The following GSTM2 variants were observed in gnomAD, a reference collection of about 807,000 sequenced individuals.
GSTM2 encodes GST class-mu 2.
GSTM2 carries 33 observed loss-of-function variants against 33.3 expected under a neutral mutation model. That is an observed-to-expected ratio of 0.99 (90% CI 0.75 to 1.33). The LOEUF is 1.33. Ranked by LOEUF, GSTM2 falls within the 40% of genes most tolerant of loss-of-function variation. GSTM2 has a pLI of 0.00. For missense variants in GSTM2, 213 were observed against 265.8 expected, an observed-to-expected ratio of 0.80 and a Z score of 1.38; for synonymous variants, 93 against 95.6, an observed-to-expected ratio of 0.97 and a Z score of 0.16.
chr1:109,669,739 G>A lies in GSTM2; in HGVS notation c.360+168G>A, dbSNP rs966004124. The A allele has an allele frequency of 5.0e-6, 3 of 597,378 alleles. No homozygotes were observed. The African/African-American group carries it at 5.6e-5, about 11-fold the overall frequency. The allele number at this position is 597,378 out of a possible 1,614,324, so 37.0% of individuals were successfully genotyped here. The stretch of plus-strand genomic sequence containing the variant: ...GTGAGTGTTACAGTTCTTAAAGATG[G>A]TGTGTCCGGAGTTTGTTCCTTCAGA... On this transcript the variant is annotated intron_variant, in intron 5 of 7. Transcript: ENST00000241337.
downstream of GSTM2, among the ~76,000 whole-genome samples, chr1:109,675,882 C>T (rs550286024): frequency 5.9e-5 from 9 of 152,000 alleles, no homozygotes; most frequent in African/African-American, 2.2e-4. Flanking sequence ...TCTGTTCTCA[C>T]GCTGCTAATA....
intron 1 of GSTM2, 32 bp downstream of exon 1, chr1:109,668,183 G>A (rs1311059333): frequency 6.5e-6 from 10 of 1,536,012 alleles, no homozygotes; most frequent in Non-Finnish European, 8.1e-6. Flanking sequence ...GGTGGGACGG[G>A]GGTGCGTGGG....
chr1:109,677,521 C>A (rs566155160), downstream of GSTM2, among the ~76,000 whole-genome samples: 3 of 152,284 alleles, frequency 2.0e-5, no homozygotes, highest in Middle Eastern at 6.8e-3. Flanking sequence ...ATGGGCCTCA[C>A]AGACGTATTG....
At chr1:109,678,261 C>T (rs1348070265), downstream of GSTM2, among the ~76,000 whole-genome samples, 1 of 152,164 alleles carries the variant, frequency 6.6e-6, no homozygotes, top group Non-Finnish European at 1.5e-5. Context: ...TCTCTTGCCT[C>T]AGCCTCCTGA....
In GSTM2 at chr1:109,670,595, T is replaced by A. The variant is rs540019176; in HGVS notation, c.361-692T>A. On this transcript the variant is annotated intron_variant, in intron 5 of 7. Transcript: ENST00000241337. ...TAGACAGTAATGGTTACTTCCAGAA[T>A]CCCTTCCATCTCTGACCCATGACCT... 2.0e-5 allele frequency: 3 copies of A among 152,362 alleles called. No individual in the cohort carries two copies. The Middle Eastern group carries it at 0.01, about 518-fold the overall frequency. The allele number at this position is 152,362 out of a possible 1,614,324, so 9.4% of individuals were successfully genotyped here.
At chr1:109,677,833 G>A (rs769834057), downstream of GSTM2, among the ~76,000 whole-genome samples, 9 of 152,196 alleles carry the variant, frequency 5.9e-5, no homozygotes, top group Non-Finnish European at 8.8e-5. Context: ...CACTGCATGT[G>A]TATTACACTT....
intron 5 of GSTM2, chr1:109,669,919 G>A: frequency 4.3e-6 from 1 of 235,056 alleles, no homozygotes; most frequent in Non-Finnish European, 8.3e-6. Flanking sequence ...TGGTCTGGCT[G>A]GCTTCAGGAG....
intron 7 of GSTM2, chr1:109,673,169 C>G: frequency 6.2e-7 from 1 of 1,609,064 alleles, no homozygotes; most frequent in Non-Finnish European, 8.5e-7. Context: ...CGCGCCTGGC[C>G]TCTTCCTCTC....
downstream of GSTM2, among the ~76,000 whole-genome samples, chr1:109,675,755 G>A (rs1023866520): frequency 2.0e-5 from 3 of 152,028 alleles, no homozygotes; most frequent in Non-Finnish European, 4.4e-5. Flanking sequence ...TCATCAGGAC[G>A]TTCTCTCTGG....
Position 109,674,814 on chromosome 1 carries a change from T to C in GSTM2, c.635T>C (p.Met212Thr), listed in dbSNP as rs1406035849. The C allele has an allele frequency of 6.2e-7, 1 of 1,614,096 alleles. No individual in the cohort carries two copies. Among genetic ancestry groups the C allele is most frequent in the African/African-American group, 1.3e-5 (1 of 74,930 alleles). Residue 212 changes from methionine (M) to threonine (T), a missense_variant, in exon 8 of 8, where the codon ATG becomes ACG. Met to Thr is a moderately conservative substitution (Grantham distance 81, BLOSUM62 -1). Transcript: ENST00000241337. The part of the protein sequence containing the change: ...RFLPRPVFTK[M>T]AVWGNK The stretch of plus-strand genomic sequence containing the variant: ...CTCCCAAGACCTGTGTTCACAAAGA[T>C]GGCTGTCTGGGGCAACAAGTAGGGC...
intron 7 of GSTM2, among the ~76,000 whole-genome samples, chr1:109,672,941 C>T (rs1169773626): frequency 6.7e-6 from 1 of 149,892 alleles, no homozygotes; most frequent in African/African-American, 2.5e-5. Flanking sequence ...GCAATCTCGG[C>T]TCACTGCAAC....
chr1:109,672,940 G>C (rs1026253689), intron 7 of GSTM2, among the ~76,000 whole-genome samples: 7 of 150,782 alleles, frequency 4.6e-5, no homozygotes, highest in East Asian at 2.0e-4. Context: ...AGCAATCTCG[G>C]CTCACTGCAA....
chr1:109,668,918 A>T lies in GSTM2; in HGVS notation c.113-7A>T, dbSNP rs1311237340. 6.2e-7 allele frequency: 1 copy of T among 1,612,068 alleles called. No homozygotes were observed. ...GGTTTGTTTTCACTTCATCTTCCCCACCACAGCTCCTGATTATGACAGAAG... is the reference window on the plus strand; with the variant it reads ...GGTTTGTTTTCACTTCATCTTCCCCTCCACAGCTCCTGATTATGACAGAAG... On this transcript the variant is annotated splice_region_variant and splice_polypyrimidine_tract_variant and intron_variant, in intron 2 of 7. Coordinates refer to ENST00000241337, the MANE Select transcript of GSTM2 (RefSeq NM_000848.4).
intron 2 of GSTM2, 70 bp from the exon 3 acceptor site, chr1:109,668,855 T>C (rs1647425853): frequency 6.3e-7 from 1 of 1,581,444 alleles, no homozygotes; most frequent in African/African-American, 1.3e-5. Flanking sequence ...ACTGGCTCCT[T>C]GGGAGGGTCC....
intron 5 of GSTM2, 167 bp downstream of exon 5, chr1:109,669,738 G>A (rs1647463768): frequency 5.0e-6 from 3 of 595,686 alleles, no homozygotes; most frequent in South Asian, 4.2e-5. Flanking sequence ...TCTTAAAGAT[G>A]GTGTGTCCGG....
Position 109,668,114 on chromosome 1 carries a change from C to G in GSTM2, c.-2C>G. The G allele has an allele frequency of 1.9e-6, 3 of 1,614,028 alleles. No homozygotes were observed. The highest frequency in any genetic ancestry group is 2.5e-6 in the Non-Finnish European group (3 of 1,179,884). On this transcript the variant is annotated 5_prime_UTR_variant, in exon 1 of 8. Coordinates refer to ENST00000241337, the MANE Select transcript of GSTM2 (RefSeq NM_000848.4). ...TCTGCAGAATCCACAGCAACCAGCACCATGCCCATGACACTGGGGTACTGG... is the reference window on the plus strand; with the variant it reads ...TCTGCAGAATCCACAGCAACCAGCAGCATGCCCATGACACTGGGGTACTGG...
rs758210917 is a variant in GSTM2, at chr1:109,674,813, A to G, written c.634A>G (p.Met212Val). The G allele has an allele frequency of 3.7e-6, 6 of 1,614,188 alleles. No individual in the cohort carries two copies. Among genetic ancestry groups the G allele is most frequent in the Non-Finnish European group, 5.1e-6 (6 of 1,180,036 alleles). The change falls in exon 8 of 8, where the codon ATG becomes GTG. Residue 212 changes from methionine to valine, a missense_variant. Coordinates refer to ENST00000241337, the MANE Select transcript of GSTM2 (RefSeq NM_000848.4). ...CCTCCCAAGACCTGTGTTCACAAAG[A>G]TGGCTGTCTGGGGCAACAAGTAGGG... is the stretch of plus-strand genomic sequence containing the variant. ...RFLPRPVFTK[M>V]AVWGNK
intron 5 of GSTM2, chr1:109,670,761 C>G (rs1159223038): frequency 6.5e-6 from 1 of 154,532 alleles, no homozygotes; most frequent in Non-Finnish European, 1.4e-5. Context: ...TTGACATACA[C>G]TGAGATCAGC....
At position 109,668,748 on chromosome 1, in the gene GSTM2, G is replaced by C; in HGVS notation, c.113-177G>C. On this transcript the variant is annotated intron_variant, in intron 2 of 7. Transcript: ENST00000241337. ...TAAACCCTGGAAGCCTTAGCTGTGT[G>C]GGGTCCAGAGCCCTCACTGGAATTC... 3.6e-6 allele frequency: 3 copies of C among 844,886 alleles called. No individual in the cohort carries two copies. The Admixed American group carries it at 6.5e-5, about 18-fold the overall frequency. 52.3% of individuals were successfully genotyped at this position (844,886 alleles called of 1,614,324 possible). A position where few individuals can be genotyped will look rare whatever the true frequency, so the allele number is the denominator to read the frequency against.
Sources: allele counts gnomAD v4.1 joint callset (sites outside exome capture counted in the v4.1 genomes callset), GRCh38; gene constraint gnomAD v4.1.1; transcripts MANE v1.5; gene names NCBI Gene and HGNC (gene_info 2026-07-23, HGNC 2026-07-21).